CFAP46: variants seen among roughly 807,000 people sequenced by gnomAD.
The protein encoded by CFAP46 is cilia- and flagella-associated protein 46.
In CFAP46, 245 loss-of-function variants were observed where a neutral mutation model predicts 325.7. That is an observed-to-expected ratio of 0.75 (90% CI 0.68 to 0.84). The LOEUF is 0.84. CFAP46 is among the 40% of genes least tolerant of loss of function. CFAP46 has a pLI of 0.00. For missense variants in CFAP46, 3,346 were observed against 3,543.0 expected (o/e 0.94, Z 1.41); for synonymous variants, 1,523 against 1,495.9 (o/e 1.02, Z -0.42).
rs887972053 is a variant in CFAP46, at chr10:132,919,307, G to C, written c.1858+8C>G. On this transcript the variant is annotated splice_region_variant and intron_variant, in intron 15 of 57. Coordinates refer to ENST00000368586, the MANE Select transcript of CFAP46 (RefSeq NM_001200049.3). This position sits in a 1 kb window ranked among gnomAD's most constrained non-coding sequence, Gnocchi z 9.7. ...GGCTGGGACACACTCGTGAGGGCGG[G>C]TACGAACCTCGCCGCAGCCTCAACT... The C allele has an allele frequency of 1.9e-6, 3 of 1,548,704 alleles. No individual in the cohort carries two copies. The highest frequency in any genetic ancestry group is 2.7e-5 in the African/African-American group (2 of 73,022).
chr10:132,822,147 G>T (rs1157023073), intron 50 of CFAP46, among the ~76,000 whole-genome samples: 2 of 140,148 alleles, frequency 1.4e-5, no homozygotes, highest in African/African-American at 2.8e-5. Context: ...TGTGTGTGCT[G>T]ATGTGTGCTG....
In CFAP46 at chr10:132,815,540, G is replaced by A. The variant is rs185177180; in HGVS notation, c.7118-626C>T. ...GCATTGCGTTTGGTTCCTGGCTCACGAAGTAAATATGTGCATTTTATCAAA... is the reference window on the plus strand; with the variant it reads ...GCATTGCGTTTGGTTCCTGGCTCACAAAGTAAATATGTGCATTTTATCAAA... On this transcript the variant is annotated intron_variant, in intron 50 of 57. Coordinates refer to ENST00000368586, the MANE Select transcript of CFAP46 (RefSeq NM_001200049.3). Among the ~76,000 whole-genome samples the A allele has an allele frequency of 2.7e-3, 407 of 152,354 alleles. 2 individuals carry two copies. Among genetic ancestry groups the A allele is most frequent in the African/African-American group, 8.7e-3 (360 of 41,568 alleles).
Position 132,877,295 on chromosome 10 carries a change from G to A in CFAP46, c.4213-334C>T, listed in dbSNP as rs1047294810. 5.9e-5 allele frequency among the ~76,000 whole-genome samples: 9 copies of A among 151,990 alleles called. No homozygotes were observed. The highest frequency in any genetic ancestry group is 9.7e-5 in the African/African-American group (4 of 41,368). ...CTCAGCAGTGCTCGTGCTGGGGTCC[G>A]GGTGTGAGCGTCCCATGAACTCAGC... is the stretch of plus-strand genomic sequence containing the variant. On this transcript the variant is annotated intron_variant, in intron 30 of 57. Coordinates refer to ENST00000368586, the MANE Select transcript of CFAP46 (RefSeq NM_001200049.3). This position sits in a 1 kb window ranked among gnomAD's most constrained non-coding sequence, Gnocchi z 5.7.
At chr10:132,893,336 G>A (rs1454108324) in intron 24 of CFAP46, among the ~76,000 whole-genome samples, 3 of 152,222 alleles carry the variant, frequency 2.0e-5, no homozygotes, top group African/African-American at 7.2e-5. Flanking sequence ...CAGGTGGGAA[G>A]GGGTCCCCAG....
intron 24 of CFAP46, among the ~76,000 whole-genome samples, chr10:132,893,530 T>A (rs1260305239): frequency 1.3e-5 from 2 of 152,298 alleles, no homozygotes; most frequent in Non-Finnish European, 2.9e-5. Flanking sequence ...AGTCTCTGTT[T>A]CCCTTTTTTC....
intron 33 of CFAP46, among the ~76,000 whole-genome samples, chr10:132,868,014 T>A (rs1182388487): frequency 6.6e-6 from 1 of 152,178 alleles, no homozygotes; most frequent in East Asian, 1.9e-4. Flanking sequence ...CCACAGCACG[T>A]CCAGAGAGGT....
In CFAP46 at chr10:132,889,230, G is replaced by A. The variant is rs889551053; in HGVS notation, c.3304+3103C>T. Among the ~76,000 whole-genome samples the A allele has an allele frequency of 1.3e-5, 2 of 152,186 alleles. No homozygotes were observed. Among genetic ancestry groups the A allele is most frequent in the African/African-American group, 4.8e-5 (2 of 41,446 alleles). On this transcript the variant is annotated intron_variant, in intron 25 of 57. Coordinates refer to ENST00000368586, the MANE Select transcript of CFAP46 (RefSeq NM_001200049.3). This position sits in a 1 kb window ranked among gnomAD's most constrained non-coding sequence, Gnocchi z 6.0. ...CTCTGGTGCCAGCACCTGGACCACC[G>A]AGGCTTACGTCACAGAGTGTGGAGA...
chr10:132,899,489 G>T, intron 23 of CFAP46, 46 bp downstream of exon 23: 1 of 1,501,934 alleles, frequency 6.7e-7, no homozygotes, highest in South Asian at 1.3e-5. Flanking sequence ...GGTCCCGCAC[G>T]GCCGGGGAGG....
At chr10:132,905,225 A>AGTCCGGCT (rs1849440233) in intron 22 of CFAP46, among the ~76,000 whole-genome samples, 1 of 152,184 alleles carries the variant, frequency 6.6e-6, no homozygotes, top group South Asian at 2.1e-4. Flanking sequence ...CTCATTGGAG[A>AGTCCGGCT]GTCCGGCTGT....
chr10:132,926,362 C>A (rs531076030), intron 10 of CFAP46, among the ~76,000 whole-genome samples: 1 of 152,140 alleles, frequency 6.6e-6, no homozygotes, highest in African/African-American at 2.4e-5. Flanking sequence ...CCCACCAGGG[C>A]GGCGTGTAGG....
chr10:132,845,626 C>G (rs753703000), intron 44 of CFAP46, among the ~76,000 whole-genome samples: 4 of 152,214 alleles, frequency 2.6e-5, no homozygotes, highest in Non-Finnish European at 4.4e-5. Context: ...GAACAAAAAG[C>G]GCCGTTAGCT....
intron 12 of CFAP46, 78 bp downstream of exon 12, chr10:132,922,402 G>C: frequency 6.8e-7 from 1 of 1,466,048 alleles, no homozygotes; most frequent in Non-Finnish European, 9.1e-7. Flanking sequence ...CTCCCGCCCT[G>C]CTGTGCCCTC....
intron 9 of CFAP46, among the ~76,000 whole-genome samples, chr10:132,928,902 G>C (rs914777238): frequency 2.3e-4 from 35 of 152,164 alleles, no homozygotes; most frequent in African/African-American, 8.2e-4. Context: ...ACTCTAACGT[G>C]TATTCTTAAA....
At chr10:132,852,905 A>G (rs1848581856) in intron 39 of CFAP46, among the ~76,000 whole-genome samples, 1 of 152,224 alleles carries the variant, frequency 6.6e-6, no homozygotes, top group Non-Finnish European at 1.5e-5. Context: ...TTGTTCTTAT[A>G]TCCTGCAACC....
At position 132,940,786 on chromosome 10, in the gene CFAP46, G is replaced by A. The variant is rs11596505; in HGVS notation, c.371+210C>T. 7.0e-3 allele frequency among the ~76,000 whole-genome samples: 1,062 copies of A among 152,308 alleles called. 8 individuals are homozygous for A. The highest frequency in any genetic ancestry group is 0.011 in the Non-Finnish European group (716 of 68,038). On this transcript the variant is annotated intron_variant, in intron 4 of 57. Coordinates refer to ENST00000368586, the MANE Select transcript of CFAP46 (RefSeq NM_001200049.3). ...GCCATCTAAAATCACGAAAACCGCC[G>A]AGTGCAAAAGAGGCTGTTACTCGGA...
intron 50 of CFAP46, among the ~76,000 whole-genome samples, chr10:132,821,890 ATG>A (rs1395606420): frequency 4.0e-5 from 4 of 99,006 alleles, no homozygotes; most frequent in Admixed American, 1.2e-4. Context: ...GTGTGCAGTG[ATG>A]TGTGTTGTGT....
At chr10:132,910,673 G>A (rs1030779653) in intron 19 of CFAP46, among the ~76,000 whole-genome samples, 6 of 152,196 alleles carry the variant, frequency 3.9e-5, no homozygotes, top group African/African-American at 1.4e-4. Context: ...GCCACCGGGA[G>A]TGACCTCTTG....
At chr10:132,848,414 GGCA>G (rs1334058948) in intron 41 of CFAP46, among the ~76,000 whole-genome samples, 2 of 152,132 alleles carry the variant, frequency 1.3e-5, no homozygotes, top group African/African-American at 4.8e-5. Flanking sequence ...ACCAAGCTGC[GGCA>G]GCACTGGTGA....
chr10:132,851,860 A>G (rs1227661205), intron 39 of CFAP46, among the ~76,000 whole-genome samples: 1 of 132,204 alleles, frequency 7.6e-6, no homozygotes, highest in Admixed American at 8.0e-5. Flanking sequence ...ATGTTCCTCC[A>G]TTTACTTAGG....
Sources: allele counts gnomAD v4.1 joint callset (sites outside exome capture counted in the v4.1 genomes callset), GRCh38; gene constraint gnomAD v4.1.1; non-coding constraint Gnocchi (gnomAD v3.1); transcripts MANE v1.5; gene names NCBI Gene and HGNC (gene_info 2026-07-23, HGNC 2026-07-21).